Variants in NYAP2 observed in about 807,000 individuals in gnomAD.
The protein encoded by NYAP2 is neuronal tyrosine-phosphorylated phosphoinositide-3-kinase adapter 2.
A neutral mutation model predicts 50.4 loss-of-function variants in NYAP2; 23 were observed. That is an observed-to-expected ratio of 0.46 (90% CI 0.33 to 0.65). The LOEUF is 0.65. NYAP2 is among the 30% of genes least tolerant of loss of function. The probability of loss-of-function intolerance (pLI) is 0.02; values close to 1 mark genes in which losing one functional copy is unlikely to be tolerated. For missense variants in NYAP2, 885 were observed against 861.0 expected, an observed-to-expected ratio of 1.03 and a Z score of -0.35; for synonymous variants, 394 against 365.2, an observed-to-expected ratio of 1.08 and a Z score of -0.90.
chr2:225,571,615 C>G (rs1410390857), intron 4 of NYAP2, among the ~76,000 whole-genome samples: 1 of 152,180 alleles, frequency 6.6e-6, no homozygotes, highest in Non-Finnish European at 1.5e-5. Flanking sequence ...ATGCAGGGCA[C>G]CATATCCTGA....
downstream of NYAP2, among the ~76,000 whole-genome samples, chr2:225,656,571 C>T (rs1052045004): frequency 9.9e-5 from 15 of 152,088 alleles, no homozygotes; most frequent in African/African-American, 2.9e-4. Context: ...ATGTCAGCAC[C>T]GGCTGGCAAT....
At chr2:225,577,808 T>C (rs1692194701) in intron 4 of NYAP2, among the ~76,000 whole-genome samples, 1 of 690 alleles carries the variant, frequency 1.4e-3, no homozygotes, top group Non-Finnish European at 3.3e-3. Context: ...AAAAGCAGAT[T>C]TTTTTTTTTT....
chr2:225,569,247 G>C (rs1692021834), intron 4 of NYAP2, among the ~76,000 whole-genome samples: 1 of 152,190 alleles, frequency 6.6e-6, no homozygotes, highest in Non-Finnish European at 1.5e-5. Context: ...ACAAAAGTCT[G>C]TTCAGGTGTG....
At position 225,453,834 on chromosome 2, in the gene NYAP2, A is replaced by ATT. The variant is rs766421405; in HGVS notation, c.221+44754_221+44755dup. ...AGGTGCCCTCCACCACGCCCGGCTA[A>ATT]TTTTTTTTTTTTTTTTTTTTTTAGT... On this transcript the variant is annotated intron_variant, in intron 3 of 6. Transcript: ENST00000636099. Among the ~76,000 whole-genome samples the ATT allele has an allele frequency of 3.9e-4, 49 of 126,588 alleles. No individual in the cohort carries two copies. In the Middle Eastern group the frequency reaches 0.012, roughly 32 times the overall value. The allele number at this position is 126,588 out of a possible 152,430, so 83.0% of individuals were successfully genotyped here. A position where few individuals can be genotyped will look rare whatever the true frequency, so the allele number is the denominator to read the frequency against.
rs990969983 is a variant in NYAP2 at position 225,460,195 on chromosome 2, A to T, written c.221+51094A>T. On this transcript the variant is annotated intron_variant, in intron 3 of 6. Coordinates refer to ENST00000636099, the Ensembl canonical transcript of NYAP2. Reference sequence around the variant, plus strand: ...CACCCATAATATTAGCTCTTGAAAGATTTCAAGAGGCTACCAGTCCCCCTT... The same window carrying T: ...CACCCATAATATTAGCTCTTGAAAGTTTTCAAGAGGCTACCAGTCCCCCTT... Among the ~76,000 whole-genome samples, 12 of 152,290 alleles carry T rather than the reference A, an allele frequency of 7.9e-5. No homozygotes were observed. The South Asian group carries it at 1.7e-3, about 21-fold the overall frequency.
intron 6 of NYAP2, among the ~76,000 whole-genome samples, chr2:225,648,787 G>T (rs1248427766): frequency 6.6e-6 from 1 of 152,064 alleles, no homozygotes; most frequent in Non-Finnish European, 1.5e-5. Flanking sequence ...GAAGCACAGG[G>T]GCTCAAAATC....
At chr2:225,620,286 T>G (rs1342661830) in intron 5 of NYAP2, among the ~76,000 whole-genome samples, 1 of 152,258 alleles carries the variant, frequency 6.6e-6, no homozygotes, top group Non-Finnish European at 1.5e-5. Context: ...ATTTGTCTCT[T>G]TTCAACAGCT....
intron 3 of NYAP2, among the ~76,000 whole-genome samples, chr2:225,444,789 A>G (rs995324505): frequency 6.6e-6 from 1 of 152,206 alleles, no homozygotes; most frequent in Non-Finnish European, 1.5e-5. Flanking sequence ...CTTAGAAACA[A>G]AAACATTTCT....
At chr2:225,627,227 C>T in intron 6 of NYAP2, 101 bp downstream of exon 6, 1 of 887,366 alleles carries the variant, frequency 1.1e-6, no homozygotes, top group South Asian at 1.5e-5. Context: ...ATATCTCTGT[C>T]TGCACACAGA....
chr2:225,656,768 G>T (rs1231082549), downstream of NYAP2, among the ~76,000 whole-genome samples: 1 of 151,728 alleles, frequency 6.6e-6, no homozygotes. Flanking sequence ...TTTCTTTGCA[G>T]GGACTGTGCT....
At chr2:225,548,849 T>G (rs1231247380) in intron 4 of NYAP2, among the ~76,000 whole-genome samples, 1 of 151,884 alleles carries the variant, frequency 6.6e-6, no homozygotes, top group Non-Finnish European at 1.5e-5. Context: ...CACTGAATGG[T>G]TTTTGTAATA....
chr2:225,504,123 T>A (rs1467349928), intron 3 of NYAP2, among the ~76,000 whole-genome samples: 1 of 152,162 alleles, frequency 6.6e-6, no homozygotes, highest in African/African-American at 2.4e-5. Flanking sequence ...CCTGTCATAG[T>A]ACACTCAGGC....
At position 225,409,059 on chromosome 2, in the gene NYAP2, A is replaced by G. The variant is rs772019866; in HGVS notation, c.179A>G (p.Glu60Gly). 8.1e-6 allele frequency: 13 copies of G among 1,611,056 alleles called. No homozygotes were observed. In the South Asian group the frequency reaches 1.3e-4, roughly 16 times the overall value. ...GAAACTAACCTAGCCTATTTGAAAG[A>G]GAAGAATGAAAAACGCCGAAGACAA... Residue 60 changes from glutamate to glycine, a missense_variant, in exon 3 of 7, where the codon GAG (glutamate) becomes GGG (glycine). Coordinates refer to ENST00000636099, the Ensembl canonical transcript of NYAP2.
At chr2:225,432,148 T>A (rs988138700) in intron 3 of NYAP2, among the ~76,000 whole-genome samples, 2 of 147,896 alleles carry the variant, frequency 1.4e-5, no homozygotes, top group African/African-American at 5.0e-5. Context: ...CGCCTAATTT[T>A]TTTTTTTTTT....
the NYAP2 span, among the ~76,000 whole-genome samples, chr2:225,670,465 A>G: frequency 1.3e-5 from 2 of 152,078 alleles, no homozygotes; most frequent in Non-Finnish European, 2.9e-5. Flanking sequence ...GGCCATTTCA[A>G]TGTAATTCTG....
chr2:225,622,533 C>CTTTCTTTCTTTT (rs1693127370), intron 5 of NYAP2, among the ~76,000 whole-genome samples: 1 of 54,268 alleles, frequency 1.8e-5, no homozygotes, highest in African/African-American at 7.7e-5. Flanking sequence ...TTCTTTCTTT[C>CTTTCTTTCTTTT]TTTCTTTCTT....
At chr2:225,632,002 G>C (rs141913402) in intron 6 of NYAP2, among the ~76,000 whole-genome samples, 13 of 152,100 alleles carry the variant, frequency 8.5e-5, no homozygotes, top group Non-Finnish European at 2.9e-5. Flanking sequence ...ATTTTTAGTA[G>C]AGACGGGGTT....
chr2:225,542,315 G>A (rs1691488426), intron 4 of NYAP2, among the ~76,000 whole-genome samples: 1 of 152,118 alleles, frequency 6.6e-6, no homozygotes, highest in Admixed American at 6.5e-5. Flanking sequence ...TTGAATAACA[G>A]CGGTGACAGT....
chr2:225,592,763 C>G (rs1287903665), intron 5 of NYAP2, among the ~76,000 whole-genome samples: 2 of 152,108 alleles, frequency 1.3e-5, no homozygotes, highest in African/African-American at 4.8e-5. Context: ...TAGACCGCAG[C>G]TGTCCTTGAT....
Sources: gnomAD v4.1 joint callset for allele counts (sites outside exome capture counted in the v4.1 genomes callset) on GRCh38, gnomAD v4.1.1 for gene constraint, MANE v1.5 for transcripts, NCBI Gene and HGNC (gene_info 2026-07-23, HGNC 2026-07-21) for gene names.